BABAM2: variants seen among roughly 807,000 people sequenced by gnomAD.
BABAM2 encodes BRISC and BRCA1 A complex member 2.
Under a neutral mutation model 54.7 loss-of-function variants are expected in BABAM2, and 31 were observed. The observed-to-expected ratio is 0.57, with a 90% CI of 0.43 to 0.77. The LOEUF is 0.77. Ranked by LOEUF, BABAM2 falls within the 30% of genes least tolerant of loss-of-function variation. BABAM2 has a pLI of 0.00. For synonymous variants in BABAM2, 167 were observed against 162.9 expected (o/e 1.03, Z -0.19); for missense variants, 364 against 455.8 (o/e 0.80, Z 1.83).
At chr2:28,216,821 T>C (rs1679960227) in intron 7 of BABAM2, among the ~76,000 whole-genome samples, 1 of 152,196 alleles carries the variant, frequency 6.6e-6, no homozygotes, top group Admixed American at 6.5e-5. Context: ...GGCCTTTTCC[T>C]GGACATTTGA....
chr2:28,017,495 A>C (rs147264307), intron 4 of BABAM2, among the ~76,000 whole-genome samples: 2,085 of 152,302 alleles, frequency 0.014, 55 homozygotes, highest in African/African-American at 0.047. Flanking sequence ...AAAGATTTTT[A>C]CTTTTTTCCT....
intron 6 of BABAM2, among the ~76,000 whole-genome samples, chr2:28,123,274 G>A (rs1230012862): frequency 6.6e-6 from 1 of 152,116 alleles, no homozygotes; most frequent in Non-Finnish European, 1.5e-5. Flanking sequence ...CAAGGGCTGA[G>A]CCAGATCCAC....
chr2:27,918,615 T>G (rs182058130), intron 2 of BABAM2, among the ~76,000 whole-genome samples: 74 of 152,360 alleles, frequency 4.9e-4, no homozygotes, highest in Admixed American at 3.9e-3. Context: ...ATCTGATCTA[T>G]TCTAGGTTCT....
At chr2:28,071,534 T>C (rs1664142189) in intron 6 of BABAM2, among the ~76,000 whole-genome samples, 1 of 152,214 alleles carries the variant, frequency 6.6e-6, no homozygotes, top group Admixed American at 6.5e-5. Flanking sequence ...TTTATTGCGG[T>C]GGTAGTAGCT....
chr2:27,981,859 G>T (rs531888133), intron 3 of BABAM2, among the ~76,000 whole-genome samples: 4 of 152,030 alleles, frequency 2.6e-5, no homozygotes, highest in African/African-American at 7.2e-5. Context: ...CTTCTGTTGG[G>T]TATATGTATA....
intron 7 of BABAM2, among the ~76,000 whole-genome samples, chr2:28,225,294 G>A (rs114168175): frequency 5.3e-5 from 8 of 152,160 alleles, no homozygotes; most frequent in Non-Finnish European, 8.8e-5. Flanking sequence ...AAGGGTGGGC[G>A]CCAGGGAGGA....
chr2:28,149,217 C>T (rs1200392355), intron 7 of BABAM2, among the ~76,000 whole-genome samples: 1 of 152,168 alleles, frequency 6.6e-6, no homozygotes, highest in Non-Finnish European at 1.5e-5. Context: ...ATAACCAGTG[C>T]TGCCCTGTTC....
At chr2:28,219,810 T>C (rs1302622494) in intron 7 of BABAM2, among the ~76,000 whole-genome samples, 2 of 152,118 alleles carry the variant, frequency 1.3e-5, no homozygotes, top group African/African-American at 4.8e-5. Flanking sequence ...TGCTTGAAGG[T>C]TGCTTGAGCC....
chr2:28,137,440 G>T (rs996703006), intron 7 of BABAM2, among the ~76,000 whole-genome samples: 1 of 152,142 alleles, frequency 6.6e-6, no homozygotes, highest in African/African-American at 2.4e-5. Flanking sequence ...TGGGAGCAGG[G>T]CCAAAAGGGT....
chr2:28,165,547 T>C (rs1331128417), intron 7 of BABAM2, among the ~76,000 whole-genome samples: 1 of 141,830 alleles, frequency 7.1e-6, no homozygotes, highest in Admixed American at 7.1e-5. Context: ...TTTTTTTTTT[T>C]TTTTTGAGAC....
chr2:28,237,750 A>C (rs1051577003), intron 8 of BABAM2, among the ~76,000 whole-genome samples: 6 of 152,036 alleles, frequency 3.9e-5, no homozygotes, highest in African/African-American at 1.4e-4. Flanking sequence ...GTGTTTCTGT[A>C]CCTTACTTTT....
intron 4 of BABAM2, among the ~76,000 whole-genome samples, chr2:28,021,791 T>G (rs1484350727): frequency 6.6e-6 from 1 of 152,136 alleles, no homozygotes; most frequent in Non-Finnish European, 1.5e-5. Context: ...CCCGGAAGAT[T>G]TTTTTCCCTC....
At chr2:28,205,031 A>T (rs1241644280) in intron 7 of BABAM2, among the ~76,000 whole-genome samples, 1 of 147,676 alleles carries the variant, frequency 6.8e-6, no homozygotes, top group African/African-American at 2.5e-5. Flanking sequence ...ATTCTTTTCT[A>T]TTTTTTTTTG....
intron 10 of BABAM2, among the ~76,000 whole-genome samples, chr2:28,285,358 G>A (rs868779372): frequency 9.2e-5 from 14 of 151,916 alleles, no homozygotes; most frequent in Middle Eastern, 6.8e-3. Context: ...CAGACTGAGT[G>A]GCTGATTTTT....
chr2:28,219,237 G>A (rs1680178571), intron 7 of BABAM2, among the ~76,000 whole-genome samples: 1 of 152,202 alleles, frequency 6.6e-6, no homozygotes, highest in Admixed American at 6.5e-5. Context: ...CTGAGATCTG[G>A]TCCTTTGCGG....
At chr2:28,012,939 A>G (rs1481832114) in intron 4 of BABAM2, among the ~76,000 whole-genome samples, 1 of 152,112 alleles carries the variant, frequency 6.6e-6, no homozygotes, top group Non-Finnish European at 1.5e-5. Flanking sequence ...CCATTTATCC[A>G]TCCCCGATTC....
At chr2:28,148,956 G>A (rs1196029636) in intron 7 of BABAM2, among the ~76,000 whole-genome samples, 3 of 152,096 alleles carry the variant, frequency 2.0e-5, no homozygotes, top group Non-Finnish European at 2.9e-5. Context: ...AGGAAAAGCC[G>A]ACCAGCTCAA....
intron 6 of BABAM2, among the ~76,000 whole-genome samples, chr2:28,071,885 C>T (rs867244637): frequency 6.6e-6 from 1 of 152,178 alleles, no homozygotes; most frequent in South Asian, 2.1e-4. Flanking sequence ...CCAGCTGTAG[C>T]CTCTTCAGGT....
At chr2:28,094,794 A>T (rs916645231) in intron 6 of BABAM2, among the ~76,000 whole-genome samples, 4 of 150,774 alleles carry the variant, frequency 2.7e-5, no homozygotes, top group Non-Finnish European at 5.9e-5. Flanking sequence ...GTTCTCATTT[A>T]TTCTCTTCCT....
Sources: allele counts gnomAD v4.1 joint callset (sites outside exome capture counted in the v4.1 genomes callset), GRCh38; gene constraint gnomAD v4.1.1; transcripts MANE v1.5; gene names NCBI Gene and HGNC (gene_info 2026-07-23, HGNC 2026-07-21).